The following HIP1 variants were observed in gnomAD, a reference collection of about 807,000 sequenced individuals.
The protein encoded by HIP1 is huntingtin-interacting protein 1.
Under a neutral mutation model 147.6 loss-of-function variants are expected in HIP1, and 65 were observed. That is an observed-to-expected ratio of 0.44 (90% CI 0.36 to 0.54). The LOEUF is 0.54. Ranked by LOEUF, HIP1 falls within the 20% of genes least tolerant of loss-of-function variation. The pLI, the probability that HIP1 is intolerant of heterozygous loss-of-function variation, is 0.00. For synonymous variants in HIP1, 479 were observed against 504.0 expected, an observed-to-expected ratio of 0.95 and a Z score of 0.67; for missense variants, 1,061 against 1,299.6, an observed-to-expected ratio of 0.82 and a Z score of 2.82.
intron 28 of HIP1, 90 bp downstream of exon 28, chr7:75,542,761 G>T: frequency 1.7e-6 from 2 of 1,210,712 alleles, no homozygotes; most frequent in Non-Finnish European, 2.4e-6. Context: ...TTTAGACACA[G>T]TCCTGTGGGA....
At chr7:75,549,601 C>T (rs1235810963) in intron 22 of HIP1, among the ~76,000 whole-genome samples, 1 of 151,808 alleles carries the variant, frequency 6.6e-6, no homozygotes, top group East Asian at 1.9e-4. Context: ...AACTCCTGAC[C>T]TCAGGTAATC....
intron 1 of HIP1, among the ~76,000 whole-genome samples, chr7:75,716,416 T>C (rs1276392974): frequency 6.6e-6 from 1 of 150,976 alleles, no homozygotes; most frequent in Admixed American, 6.6e-5. Flanking sequence ...AGAGATAGGG[T>C]TTCACCAAGT....
chr7:75,691,534 C>A (rs544654576), intron 1 of HIP1, among the ~76,000 whole-genome samples: 1 of 151,948 alleles, frequency 6.6e-6, no homozygotes, highest in East Asian at 1.9e-4. Flanking sequence ...CGCGGTGGCT[C>A]ATGCCTGTAA....
rs574796791 is a variant in HIP1, at chr7:75,716,960, C to T, written c.120+21841G>A. On this transcript the variant is annotated intron_variant, in intron 1 of 30. Transcript: ENST00000336926. Reference sequence around the variant, plus strand: ...CCTCCCAAGTAGCTGGGACTACAGGCGCATGCCACCACACCCAGCTAATTT... The same window carrying T: ...CCTCCCAAGTAGCTGGGACTACAGGTGCATGCCACCACACCCAGCTAATTT... Among the ~76,000 whole-genome samples the T allele has an allele frequency of 1.2e-4, 19 of 152,092 alleles. No individual in the cohort carries two copies. In the South Asian group the frequency reaches 1.7e-3, roughly 13 times the overall value.
intron 1 of HIP1, among the ~76,000 whole-genome samples, chr7:75,676,849 A>G (rs1395729266): frequency 6.6e-6 from 1 of 151,508 alleles, no homozygotes; most frequent in African/African-American, 2.4e-5. Flanking sequence ...ATGTTAGTCT[A>G]TTGTTTGCCC....
At chr7:75,680,289 C>G (rs532391059) in intron 1 of HIP1, among the ~76,000 whole-genome samples, 1 of 151,950 alleles carries the variant, frequency 6.6e-6, no homozygotes, top group Non-Finnish European at 1.5e-5. Context: ...GGCAATTGCC[C>G]GCCTCGGCCT....
intron 1 of HIP1, among the ~76,000 whole-genome samples, chr7:75,726,525 C>T (rs965426307): frequency 6.6e-6 from 1 of 151,736 alleles, no homozygotes; most frequent in Non-Finnish European, 1.5e-5. Context: ...CCTCGCGATC[C>T]GCTCACCTTG....
chr7:75,593,629 C>CA (rs34062007), intron 2 of HIP1, among the ~76,000 whole-genome samples: 22,222 of 72,044 alleles, frequency 0.31, 3,651 homozygotes, highest in African/African-American at 0.41. Flanking sequence ...GACTCCATCT[C>CA]AAAAAAAAAA....
At chr7:75,709,109 C>CTTTTTTTTTTTTT (rs55720152) in intron 1 of HIP1, among the ~76,000 whole-genome samples, 53 of 131,402 alleles carry the variant, frequency 4.0e-4, no homozygotes, top group African/African-American at 8.0e-4. Context: ...TTTTTCTTTT[C>CTTTTTTTTTTTTT]TTTTTTTTTT....
intron 2 of HIP1, among the ~76,000 whole-genome samples, chr7:75,598,101 C>A (rs782108792): frequency 1.3e-5 from 2 of 152,176 alleles, no homozygotes; most frequent in African/African-American, 2.4e-5. Context: ...TTAAGGCCAA[C>A]CAACCTCTGA....
intron 1 of HIP1, among the ~76,000 whole-genome samples, chr7:75,600,591 T>C (rs914293661): frequency 6.6e-6 from 1 of 152,206 alleles, no homozygotes; most frequent in Non-Finnish European, 1.5e-5. Flanking sequence ...ATCACATACA[T>C]ACACCCACAC....
At chr7:75,644,455 C>T (rs1172814601) in intron 1 of HIP1, among the ~76,000 whole-genome samples, 3 of 152,030 alleles carry the variant, frequency 2.0e-5, no homozygotes, top group South Asian at 2.1e-4. Context: ...CCACCACGCT[C>T]GGCAAACTTT....
chr7:75,622,871 ATCTATCTATCTATCTATCTATC>A lies in HIP1; in HGVS notation c.121-23646_121-23625del, dbSNP rs1797895288. Among the ~76,000 whole-genome samples the A allele has an allele frequency of 1.2e-3, 172 of 143,744 alleles. 1 individual carries two copies. Among genetic ancestry groups the A allele is most frequent in the African/African-American group, 4.8e-3 (167 of 34,914 alleles). 94.3% of individuals were successfully genotyped at this position (143,744 alleles called of 152,430 possible). On this transcript the variant is annotated intron_variant, in intron 1 of 30. Transcript: ENST00000336926. The stretch of plus-strand genomic sequence containing the variant: ...TAATTATCTATCTATCTATCTATCT[ATCTATCTATCTATCTATCTATC>A]TATATATTTTTTAAAGGAAATTGGC...
intron 1 of HIP1, among the ~76,000 whole-genome samples, chr7:75,621,664 G>A (rs587657731): frequency 2.0e-5 from 3 of 152,346 alleles, no homozygotes; most frequent in South Asian, 4.1e-4. Context: ...AGGGACCACA[G>A]TGAAGACTCT....
At chr7:75,728,916 T>C (rs1405777531) in intron 1 of HIP1, among the ~76,000 whole-genome samples, 1 of 145,858 alleles carries the variant, frequency 6.9e-6, no homozygotes, top group Admixed American at 6.9e-5. Flanking sequence ...ATAAAAGTAG[T>C]TGTCAGTGAA....
At position 75,628,547 on chromosome 7, in the gene HIP1, C is replaced by T. The variant is rs587635110; in HGVS notation, c.121-29300G>A. 5.4e-5 allele frequency among the ~76,000 whole-genome samples: 8 copies of T among 148,800 alleles called. No homozygotes were observed. The South Asian group carries it at 1.7e-3, about 32-fold the overall frequency. On this transcript the variant is annotated intron_variant, in intron 1 of 30. Coordinates refer to ENST00000336926, the MANE Select transcript of HIP1 (RefSeq NM_005338.7). ...AGGCCAGACTGTAGTGGCACAATCT[C>T]GGCTCACTCCAACCTCTGCCTCCCG...
intron 1 of HIP1, among the ~76,000 whole-genome samples, chr7:75,699,473 G>A (rs782694976): frequency 1.3e-5 from 2 of 152,056 alleles, no homozygotes; most frequent in Non-Finnish European, 2.9e-5. Context: ...AATGTGTTTC[G>A]GCAGATCAGG....
chr7:75,557,869 C>A, intron 15 of HIP1, 99 bp from the exon 16 acceptor site: 3 of 879,192 alleles, frequency 3.4e-6, no homozygotes, highest in South Asian at 2.7e-5. Context: ...GCCCTAGAGT[C>A]AGACACAGGA....
intron 1 of HIP1, among the ~76,000 whole-genome samples, chr7:75,725,627 T>G (rs144250059): frequency 6.6e-6 from 1 of 152,316 alleles, no homozygotes; most frequent in African/African-American, 2.4e-5. Flanking sequence ...CACTCAACAT[T>G]CTGTTTGCAG....
Sources: gnomAD v4.1 joint callset for allele counts (sites outside exome capture counted in the v4.1 genomes callset) on GRCh38, gnomAD v4.1.1 for gene constraint, MANE v1.5 for transcripts, NCBI Gene and HGNC (gene_info 2026-07-23, HGNC 2026-07-21) for gene names.